SEMA3C: variants seen among roughly 807,000 people sequenced by gnomAD.
The protein encoded by SEMA3C is semaphorin 3C.
A neutral mutation model predicts 89.4 loss-of-function variants in SEMA3C; 47 were observed. The observed-to-expected ratio is 0.53, with a 90% CI of 0.42 to 0.67. The LOEUF (loss-of-function observed/expected upper bound fraction) is 0.67, where lower values mean the gene tolerates loss of function less well. Ranked by LOEUF, SEMA3C falls within the 30% of genes least tolerant of loss-of-function variation. The probability of loss-of-function intolerance (pLI) is 0.00; values close to 1 mark genes in which losing one functional copy is unlikely to be tolerated. For missense variants in SEMA3C, 839 were observed against 929.1 expected, an observed-to-expected ratio of 0.90 and a Z score of 1.26; for synonymous variants, 310 against 320.2, an observed-to-expected ratio of 0.97 and a Z score of 0.34.
intron 2 of SEMA3C, among the ~76,000 whole-genome samples, chr7:80,853,384 C>T (rs1790562530): frequency 1.3e-5 from 2 of 152,118 alleles, no homozygotes; most frequent in Admixed American, 1.3e-4. Flanking sequence ...CATCCACAGA[C>T]AAACAGATAA....
chr7:80,884,315 T>C (rs1249489201), intron 2 of SEMA3C, among the ~76,000 whole-genome samples: 1 of 152,162 alleles, frequency 6.6e-6, no homozygotes, highest in Non-Finnish European at 1.5e-5. Flanking sequence ...AGTCTCTTAG[T>C]GAAAGCATCA....
At chr7:80,844,786 C>A (rs1356794660) in intron 2 of SEMA3C, among the ~76,000 whole-genome samples, 2 of 152,146 alleles carry the variant, frequency 1.3e-5, no homozygotes, top group Non-Finnish European at 2.9e-5. Flanking sequence ...CAATACATCA[C>A]CTTTCTACTC....
chr7:80,835,960 A>G (rs562098363), intron 2 of SEMA3C, among the ~76,000 whole-genome samples: 78 of 152,352 alleles, frequency 5.1e-4, no homozygotes, highest in Admixed American at 1.0e-3. Flanking sequence ...TGTGAACTCA[A>G]TCAGATGACC....
intron 12 of SEMA3C, among the ~76,000 whole-genome samples, chr7:80,779,257 T>G (rs1468403285): frequency 6.6e-6 from 1 of 152,186 alleles, no homozygotes; most frequent in African/African-American, 2.4e-5. Flanking sequence ...GCTGTGTGGT[T>G]TTAATGAAAT....
chr7:80,746,443 A>C (rs945099256), intron 17 of SEMA3C, among the ~76,000 whole-genome samples: 19 of 152,072 alleles, frequency 1.2e-4, no homozygotes, highest in African/African-American at 4.6e-4. Context: ...TAAAGAAAGA[A>C]GAAATTTTAT....
At chr7:80,807,173 A>G (rs1789361393) in intron 6 of SEMA3C, among the ~76,000 whole-genome samples, 1 of 152,184 alleles carries the variant, frequency 6.6e-6, no homozygotes, top group Non-Finnish European at 1.5e-5. Flanking sequence ...AACTTTGTAA[A>G]TAATTATTTC....
rs1366352819 is a variant in SEMA3C at position 80,750,753 on chromosome 7, T to C, written c.1711+516A>G. ...AAGGGCTGGAGGGAAGAGGTAATGG[T>C]TAGGTGGTATTTAACGGGTCTAGTT... On this transcript the variant is annotated intron_variant, in intron 16 of 17. Coordinates refer to ENST00000265361, the MANE Select transcript of SEMA3C (RefSeq NM_006379.5). Among the ~76,000 whole-genome samples, 6 of 151,618 alleles carry C rather than the reference T, an allele frequency of 4.0e-5. No homozygotes were observed. In the South Asian group the frequency reaches 1.0e-3, roughly 26 times the overall value.
intron 2 of SEMA3C, chr7:80,847,451 T>G (rs1790416059): frequency 6.6e-6 from 1 of 152,202 alleles, no homozygotes; most frequent in Non-Finnish European, 1.5e-5. Context: ...TATTACTTTG[T>G]CAAATTGCTA....
At chr7:80,908,814 T>C (rs974508077) in intron 2 of SEMA3C, among the ~76,000 whole-genome samples, 3 of 152,142 alleles carry the variant, frequency 2.0e-5, no homozygotes, top group African/African-American at 4.8e-5. Context: ...CTAAAAGCTG[T>C]CACTATATAA....
chr7:80,787,764 A>G (rs548949959), intron 12 of SEMA3C, among the ~76,000 whole-genome samples: 1 of 152,380 alleles, frequency 6.6e-6, no homozygotes, highest in African/African-American at 2.4e-5. Context: ...GAGTAAGAAT[A>G]TAATTGATAA....
At chr7:80,773,126 G>A (rs1318218723) in intron 12 of SEMA3C, among the ~76,000 whole-genome samples, 1 of 152,008 alleles carries the variant, frequency 6.6e-6, no homozygotes, top group African/African-American at 2.4e-5. Context: ...TAACAAATTA[G>A]TTTTTAAAAT....
chr7:80,822,422 A>C (rs1789774282), intron 4 of SEMA3C, among the ~76,000 whole-genome samples: 1 of 151,844 alleles, frequency 6.6e-6, no homozygotes, highest in Non-Finnish European at 1.5e-5. Context: ...AAAATAAAAA[A>C]AAAACAGCAT....
intron 7 of SEMA3C, 91 bp from the exon 8 acceptor site, chr7:80,804,339 T>C: frequency 3.6e-6 from 3 of 840,514 alleles, no homozygotes; most frequent in Non-Finnish European, 3.4e-6. Flanking sequence ...GCCTTCCCCA[T>C]CTTTGGTAGA....
intron 9 of SEMA3C, 43 bp from the exon 10 acceptor site, chr7:80,800,869 C>T (rs755139259): frequency 7.5e-7 from 1 of 1,340,580 alleles, no homozygotes; most frequent in East Asian, 2.7e-5. Context: ...TAAATATTAA[C>T]TTCTTTGTTT....
intron 4 of SEMA3C, among the ~76,000 whole-genome samples, chr7:80,825,312 C>T (rs1789846329): frequency 1.3e-5 from 2 of 152,106 alleles, no homozygotes; most frequent in Non-Finnish European, 2.9e-5. Context: ...TTTCCCAGCA[C>T]TCAACAATGT....
intron 2 of SEMA3C, among the ~76,000 whole-genome samples, chr7:80,863,880 C>CACATATATATCACACATATATT (rs1790851024): frequency 7.0e-6 from 1 of 142,954 alleles, no homozygotes; most frequent in Non-Finnish European, 1.5e-5. Context: ...ATATATGTAT[C>CACATATATATCACACATATATT]ACATATATAT....
chr7:80,765,087 G>T, intron 13 of SEMA3C, 68 bp downstream of exon 13: 1 of 1,031,174 alleles, frequency 9.7e-7, no homozygotes, highest in Non-Finnish European at 1.4e-6. Context: ...TTCCTCCCAA[G>T]TGGCTGTAAG....
intron 4 of SEMA3C, among the ~76,000 whole-genome samples, chr7:80,826,781 G>A (rs183716569): frequency 6.8e-4 from 104 of 152,162 alleles, no homozygotes; most frequent in African/African-American, 2.4e-3. Context: ...TCTGCTCCAC[G>A]TATTTGTTTT....
intron 17 of SEMA3C, 98 bp downstream of exon 17, chr7:80,748,800 G>T: frequency 8.4e-7 from 1 of 1,196,200 alleles, no homozygotes; most frequent in Non-Finnish European, 1.2e-6. Context: ...ATGATCATAT[G>T]CCTTTCCTTT....
Sources: gnomAD v4.1 joint callset for allele counts (sites outside exome capture counted in the v4.1 genomes callset) on GRCh38, gnomAD v4.1.1 for gene constraint, MANE v1.5 for transcripts, NCBI Gene and HGNC (gene_info 2026-07-23, HGNC 2026-07-21) for gene names.